ZFHX3: variants seen among roughly 807,000 people sequenced by gnomAD.
ZFHX3 encodes the protein zinc finger homeobox protein 3.
ZFHX3 carries 42 observed loss-of-function variants against 279.1 expected under a neutral mutation model. The ratio of observed to expected loss-of-function variants is 0.15; its 90% CI spans 0.12 to 0.19. The LOEUF (loss-of-function observed/expected upper bound fraction) is 0.19. Among genes scored for constraint, ZFHX3 ranks in the 10% least tolerant of loss-of-function variants. The probability of loss-of-function intolerance (pLI) is 1.00; values close to 1 mark genes in which losing one functional copy is unlikely to be tolerated. For synonymous variants in ZFHX3, 2,293 were observed against 1,957.8 expected (o/e 1.17, Z -4.52); for missense variants, 4,981 against 4,754.0 (o/e 1.05, Z -1.40).
intron 1 of ZFHX3, among the ~76,000 whole-genome samples, chr16:73,729,436 G>A (rs2053549691): frequency 6.6e-6 from 1 of 152,156 alleles, no homozygotes; most frequent in Admixed American, 6.5e-5. Flanking sequence ...GGCTGAGTCT[G>A]GAGAATCGCT....
At chr16:73,471,990 A>C (rs1470747599) in intron 2 of ZFHX3, among the ~76,000 whole-genome samples, 2 of 152,054 alleles carry the variant, frequency 1.3e-5, no homozygotes, top group African/African-American at 4.8e-5. Context: ...CAGTGCCCTG[A>C]GCACCTCAGA....
chr16:73,374,508 T>C (rs986265012), intron 3 of ZFHX3, among the ~76,000 whole-genome samples: 8 of 152,314 alleles, frequency 5.3e-5, no homozygotes, highest in African/African-American at 1.4e-4. Flanking sequence ...AAAACAATGA[T>C]ACAGTTTAAA....
At chr16:73,688,804 C>G (rs534635277) in intron 1 of ZFHX3, among the ~76,000 whole-genome samples, 139 of 152,188 alleles carry the variant, frequency 9.1e-4, no homozygotes, top group Non-Finnish European at 1.5e-3. Context: ...GCGGGTCGTT[C>G]CCATGCTATT....
chr16:73,252,125 G>C (rs1044604732), intron 5 of ZFHX3, among the ~76,000 whole-genome samples: 1 of 152,232 alleles, frequency 6.6e-6, no homozygotes, highest in African/African-American at 2.4e-5. Flanking sequence ...TAGCTGGGAA[G>C]AGATTATTTT....
At chr16:73,126,713 G>C (rs927730600) in intron 7 of ZFHX3, 1 of 152,254 alleles carries the variant, frequency 6.6e-6, no homozygotes, top group Non-Finnish European at 1.5e-5. Context: ...ACAAGGATGG[G>C]GGTGGATTCA....
chr16:73,244,799 C>T (rs1470152470), intron 5 of ZFHX3, among the ~76,000 whole-genome samples: 2 of 152,162 alleles, frequency 1.3e-5, no homozygotes, highest in Admixed American at 6.5e-5. Flanking sequence ...GCAGCAGGGA[C>T]AGAGCAGGAT....
intron 2 of ZFHX3, among the ~76,000 whole-genome samples, chr16:73,629,977 T>C (rs926231728): frequency 2.0e-5 from 3 of 152,192 alleles, no homozygotes; most frequent in South Asian, 2.1e-4. Context: ...ACAACTTTTA[T>C]ATCCTTGTAG....
chr16:72,824,948 G>C (rs995954109), intron 5 of ZFHX3, among the ~76,000 whole-genome samples: 1 of 152,222 alleles, frequency 6.6e-6, no homozygotes, highest in African/African-American at 2.4e-5. Flanking sequence ...TTAGGGAAGA[G>C]AACAAAGAAC....
At chr16:73,076,960 A>G (rs1965892279) in intron 8 of ZFHX3, among the ~76,000 whole-genome samples, 1 of 152,172 alleles carries the variant, frequency 6.6e-6, no homozygotes, top group Admixed American at 6.6e-5. Flanking sequence ...AATGACAAAC[A>G]TGTCAGATAC....
intron 3 of ZFHX3, among the ~76,000 whole-genome samples, chr16:73,450,439 G>C (rs1347708416): frequency 6.6e-6 from 1 of 151,314 alleles, no homozygotes; most frequent in Non-Finnish European, 1.5e-5. Flanking sequence ...TTATGTAGCG[G>C]ACATGTGTCA....
intron 1 of ZFHX3, among the ~76,000 whole-genome samples, chr16:73,808,671 C>T (rs977481798): frequency 1.3e-5 from 2 of 152,146 alleles, no homozygotes; most frequent in Non-Finnish European, 2.9e-5. Flanking sequence ...TTGAAGCAGA[C>T]ACCCTTGATT....
Position 73,568,944 on chromosome 16 carries a change from G to A in ZFHX3, c.-1547+111236C>T, listed in dbSNP as rs145824544. The stretch of plus-strand genomic sequence containing the variant: ...AGATAAGAAGATTACAGAATGTCAT[G>A]TGCCTCCGGCGACTCAACTTCACAG... On this transcript the variant is annotated intron_variant, in intron 2 of 17. Coordinates refer to the ZFHX3 transcript ENST00000641206. Among the ~76,000 whole-genome samples the A allele has an allele frequency of 9.3e-4, 141 of 152,148 alleles. 1 individual carries two copies. The highest frequency in any genetic ancestry group is 3.2e-3 in the African/African-American group (132 of 41,506).
At chr16:73,092,669 G>A in intron 8 of ZFHX3, 1 of 275,316 alleles carries the variant, frequency 3.6e-6, no homozygotes, top group African/African-American at 2.2e-5. Context: ...CCACTCCCGG[G>A]ACACACACGC....
intron 2 of ZFHX3, among the ~76,000 whole-genome samples, chr16:73,571,119 A>C (rs1173756808): frequency 1.3e-5 from 2 of 152,116 alleles, no homozygotes; most frequent in Non-Finnish European, 2.9e-5. Flanking sequence ...TAACAGCATA[A>C]TTTTTTATTT....
chr16:73,440,743 G>A (rs536133884), intron 3 of ZFHX3, among the ~76,000 whole-genome samples: 2 of 152,246 alleles, frequency 1.3e-5, no homozygotes, highest in African/African-American at 4.8e-5. Flanking sequence ...CCTTTCAAAT[G>A]GCTTTGAAAA....
chr16:73,653,558 A>C (rs2052692149), intron 2 of ZFHX3, among the ~76,000 whole-genome samples: 1 of 152,228 alleles, frequency 6.6e-6, no homozygotes, highest in Admixed American at 6.5e-5. Flanking sequence ...AATACACTAC[A>C]TATAAAAACT....
At chr16:73,294,418 AG>A (rs1180299510) in intron 4 of ZFHX3, 1 of 152,276 alleles carries the variant, frequency 6.6e-6, no homozygotes, top group Non-Finnish European at 1.5e-5. Flanking sequence ...TACAAACAAC[AG>A]CAACGATTCT....
At chr16:73,332,195 A>C (rs1198040739) in intron 3 of ZFHX3, among the ~76,000 whole-genome samples, 2 of 152,240 alleles carry the variant, frequency 1.3e-5, no homozygotes, top group Non-Finnish European at 2.9e-5. Context: ...ATGATGATAA[A>C]AACGAAATTT....
chr16:72,943,147 G>A (rs937761632), intron 3 of ZFHX3, among the ~76,000 whole-genome samples: 1 of 152,196 alleles, frequency 6.6e-6, no homozygotes, highest in African/African-American at 2.4e-5. Flanking sequence ...TTAAGCAATC[G>A]TTGTACAGCT....
Sources: allele counts gnomAD v4.1 joint callset (sites outside exome capture counted in the v4.1 genomes callset), GRCh38; gene constraint gnomAD v4.1.1; transcripts MANE v1.5; gene names NCBI Gene and HGNC (gene_info 2026-07-23, HGNC 2026-07-21).